The following ADAMTS20 variants were observed in gnomAD, a reference collection of about 807,000 sequenced individuals.
ADAMTS20 encodes the protein ADAM metallopeptidase with thrombospondin type 1 motif 20.
ADAMTS20 carries 225 observed loss-of-function variants against 260.1 expected under a neutral mutation model. The ratio of observed to expected loss-of-function variants is 0.87; its 90% CI spans 0.78 to 0.97. ADAMTS20 has a LOEUF of 0.97. Among genes scored for constraint, ADAMTS20 ranks in the 50% least tolerant of loss-of-function variants. The probability of loss-of-function intolerance (pLI) is 0.00; values close to 1 mark genes in which losing one functional copy is unlikely to be tolerated. For synonymous variants in ADAMTS20, 802 were observed against 769.5 expected (o/e 1.04, Z -0.70); for missense variants, 2,400 against 2,337.7 (o/e 1.03, Z -0.55).
chr12:43,383,126 A>T (rs1450571061), intron 31 of ADAMTS20, among the ~76,000 whole-genome samples: 1 of 152,170 alleles, frequency 6.6e-6, no homozygotes, highest in Admixed American at 6.6e-5. Flanking sequence ...GAGATTATAA[A>T]GCAGCACAAG....
At chr12:43,448,024 T>C (rs192203302) in intron 14 of ADAMTS20, among the ~76,000 whole-genome samples, 16 of 152,322 alleles carry the variant, frequency 1.1e-4, no homozygotes, top group Non-Finnish European at 1.9e-4. Flanking sequence ...TCTATGCTTA[T>C]GGATAGGAAG....
intron 28 of ADAMTS20, among the ~76,000 whole-genome samples, chr12:43,415,706 G>A (rs183822167): frequency 3.2e-4 from 48 of 152,186 alleles, no homozygotes; most frequent in African/African-American, 1.1e-3. Context: ...GTCAAACTGA[G>A]GCATTCTAAT....
chr12:43,505,576 A>G (rs1048227879), intron 3 of ADAMTS20, among the ~76,000 whole-genome samples: 4 of 152,232 alleles, frequency 2.6e-5, no homozygotes, highest in African/African-American at 9.6e-5. Flanking sequence ...AATCAAAACC[A>G]CAATATCACT....
At chr12:43,394,690 C>A (rs748932243) in intron 29 of ADAMTS20, among the ~76,000 whole-genome samples, 6 of 151,924 alleles carry the variant, frequency 3.9e-5, no homozygotes, top group Non-Finnish European at 7.4e-5. Context: ...GCCAAAGGGG[C>A]AATAATTTGC....
In ADAMTS20 at chr12:43,376,239, T is replaced by C. The variant is rs1366999594; in HGVS notation, c.5217A>G (p.Ile1739Met). 1.3e-6 allele frequency: 2 copies of C among 1,544,146 alleles called. No homozygotes were observed. The highest frequency in any genetic ancestry group is 1.8e-6 in the Non-Finnish European group (2 of 1,142,228). Residue 1739 changes from isoleucine (I) to methionine (M), a missense_variant, in exon 34 of 39, where the codon ATA becomes ATG. By Grantham distance (10) the Ile-to-Met change is conservative. Coordinates refer to ENST00000389420, the MANE Select transcript of ADAMTS20 (RefSeq NM_025003.5). ...DYYLNIKGRI[I>M]KIYCADMYLE... ...AAAGGAACTGTTTTCATAATACCTT[T>C]ATTATTCTTCCCTTAATGTTAAGGT... is the stretch of plus-strand genomic sequence containing the variant.
chr12:43,406,305 C>T (rs1205225197), intron 28 of ADAMTS20, among the ~76,000 whole-genome samples: 1 of 152,026 alleles, frequency 6.6e-6, no homozygotes, highest in East Asian at 1.9e-4. Flanking sequence ...ATTATTTATC[C>T]TGTTTTTATC....
intron 2 of ADAMTS20, among the ~76,000 whole-genome samples, chr12:43,534,211 T>A (rs1943262523): frequency 7.4e-6 from 1 of 135,254 alleles, no homozygotes; most frequent in African/African-American, 2.8e-5. Context: ...TGGGAGAAAA[T>A]TTTCGCAACC....
intron 28 of ADAMTS20, among the ~76,000 whole-genome samples, chr12:43,418,367 T>C (rs1236158388): frequency 6.6e-6 from 1 of 152,168 alleles, no homozygotes; most frequent in Admixed American, 6.5e-5. Flanking sequence ...TGGAGTGCAA[T>C]GGCGCTATCT....
rs145366035 is a variant in ADAMTS20, at chr12:43,483,381, T to A, written c.1117+7014A>T. ...CCCTGAATTTTCCACCTGTGGGGAG[T>A]TTCAGCAGAGGCATAGGTACAGTAC... On this transcript the variant is annotated intron_variant, in intron 7 of 38. Transcript: ENST00000389420. Among the ~76,000 whole-genome samples, 287 of 150,630 alleles carry A rather than the reference T, an allele frequency of 1.9e-3. 4 individuals carry two copies. The highest frequency in any genetic ancestry group is 0.019 in the East Asian group (96 of 5,126).
Position 43,502,182 on chromosome 12 carries a change from C to T in ADAMTS20, c.837G>A (p.Leu279=). The T allele has an allele frequency of 6.2e-7, 1 of 1,605,070 alleles. No individual in the cohort carries two copies. The highest frequency in any genetic ancestry group is 8.5e-7 in the Non-Finnish European group (1 of 1,176,344). The change falls in exon 4 of 39, where the codon TTG becomes TTA. Residue 279 remains leucine, a synonymous_variant. Coordinates refer to ENST00000389420, the MANE Select transcript of ADAMTS20 (RefSeq NM_025003.5). ...AKVVSAHGSN[L]QNYILTLMSI... ...ACATTAGAGTCAGTATATAGTTTTG[C>T]AAATTCGATCCATGAGCAGAAACCA...
intron 3 of ADAMTS20, among the ~76,000 whole-genome samples, chr12:43,526,391 G>A (rs1001168185): frequency 9.9e-5 from 15 of 152,270 alleles, no homozygotes; most frequent in Admixed American, 2.6e-4. Context: ...CCGGAAGGCG[G>A]AGCTTGTGGT....
intron 37 of ADAMTS20, 74 bp downstream of exon 37, chr12:43,369,216 T>C (rs972921877): frequency 2.2e-6 from 2 of 916,750 alleles, no homozygotes; most frequent in Non-Finnish European, 3.0e-6. Context: ...AATATTCTGG[T>C]TAAAAAAATG....
rs759217691 is a variant in ADAMTS20 at position 43,551,315 on chromosome 12, A to G, written c.92-45T>C. 1.9e-6 allele frequency: 3 copies of G among 1,579,274 alleles called. No homozygotes were observed. The highest frequency in any genetic ancestry group is 1.7e-5 in the Admixed American group (1 of 57,866). On this transcript the variant is annotated intron_variant, in intron 1 of 38. Transcript: ENST00000389420. The surrounding 1 kb of genome is among the most constrained non-coding windows in gnomAD (Gnocchi z 4.6). ...ACCAGTGAGCTCCCACGCGTTCCTC[A>G]TTGTCCAACTCTAAACTTCTTCCAC...
chr12:43,448,068 A>C (rs184313716), intron 14 of ADAMTS20, among the ~76,000 whole-genome samples: 8 of 152,338 alleles, frequency 5.3e-5, no homozygotes, highest in African/African-American at 1.9e-4. Flanking sequence ...TATTTCCCAA[A>C]GCAATGTACA....
chr12:43,402,851 C>T (rs1362461849), intron 28 of ADAMTS20, among the ~76,000 whole-genome samples: 2 of 151,630 alleles, frequency 1.3e-5, no homozygotes, highest in Admixed American at 6.6e-5. Context: ...CCTTAATTGA[C>T]ATAGTCTTAA....
intron 3 of ADAMTS20, among the ~76,000 whole-genome samples, chr12:43,504,178 CA>C (rs879664512): frequency 6.6e-6 from 1 of 152,158 alleles, no homozygotes; most frequent in Non-Finnish European, 1.5e-5. Context: ...CTCCCACCAG[CA>C]GTGTGTAAAC....
At position 43,497,402 on chromosome 12, in the gene ADAMTS20, C is replaced by A. The variant is rs140134742; in HGVS notation, c.868-4149G>T. On this transcript the variant is annotated intron_variant, in intron 4 of 38. Coordinates refer to ENST00000389420, the MANE Select transcript of ADAMTS20 (RefSeq NM_025003.5). ...TCACATATGGTATGTTCATAGGCCA[C>A]CTTCATTAAGAAGTACAAAGTCATC... Among the ~76,000 whole-genome samples, 1,023 of 152,194 alleles carry A rather than the reference C, an allele frequency of 6.7e-3. 9 individuals carry two copies. The highest frequency in any genetic ancestry group is 0.023 in the African/African-American group (937 of 41,546).
At chr12:43,496,696 T>C (rs1192400289) in intron 4 of ADAMTS20, among the ~76,000 whole-genome samples, 1 of 152,186 alleles carries the variant, frequency 6.6e-6, no homozygotes, top group African/African-American at 2.4e-5. Context: ...ACAATGTCCT[T>C]GCATATTGGA....
intron 11 of ADAMTS20, among the ~76,000 whole-genome samples, chr12:43,460,197 C>A (rs1419474538): frequency 6.6e-6 from 1 of 152,144 alleles, no homozygotes; most frequent in Non-Finnish European, 1.5e-5. Flanking sequence ...ACCCCAAATA[C>A]CACCTTTGCT....
Sources: allele counts gnomAD v4.1 joint callset (sites outside exome capture counted in the v4.1 genomes callset), GRCh38; gene constraint gnomAD v4.1.1; non-coding constraint Gnocchi (gnomAD v3.1); transcripts MANE v1.5; gene names NCBI Gene and HGNC (gene_info 2026-07-23, HGNC 2026-07-21).